Variants in GPM6A observed in about 807,000 individuals in gnomAD.
GPM6A encodes neuronal membrane glycoprotein M6-a.
Under a neutral mutation model 32.1 loss-of-function variants are expected in GPM6A, and 7 were observed. The observed-to-expected ratio is 0.22, with a 90% confidence interval of 0.12 to 0.41. GPM6A has a LOEUF of 0.41. Ranked by LOEUF, GPM6A falls within the 10% of genes least tolerant of loss-of-function variation. The probability of loss-of-function intolerance (pLI) is 1.00; values close to 1 mark genes in which losing one functional copy is unlikely to be tolerated. For missense variants in GPM6A, 235 were observed against 347.2 expected, an observed-to-expected ratio of 0.68 and a Z score of 2.57; for synonymous variants, 130 against 123.4, an observed-to-expected ratio of 1.05 and a Z score of -0.35.
At chr4:175,914,397 C>T (rs1336409174) in intron 1 of GPM6A, among the ~76,000 whole-genome samples, 2 of 151,972 alleles carry the variant, frequency 1.3e-5, no homozygotes, top group East Asian at 3.9e-4. Flanking sequence ...TCTCGGCTCA[C>T]TGCAACCTCT....
chr4:175,912,207 TA>T (rs1365127655), intron 1 of GPM6A, among the ~76,000 whole-genome samples: 1 of 152,242 alleles, frequency 6.6e-6, no homozygotes, highest in African/African-American at 2.4e-5. Flanking sequence ...GTAAAGTTTT[TA>T]ATTTGATAAG....
chr4:175,676,583 C>CA (rs1264763979), intron 2 of GPM6A, among the ~76,000 whole-genome samples: 1 of 152,034 alleles, frequency 6.6e-6, no homozygotes, highest in East Asian at 1.9e-4. Context: ...CCCATCTCTA[C>CA]AAAAATTTAA....
chr4:175,869,623 G>T (rs906652559), intron 1 of GPM6A, among the ~76,000 whole-genome samples: 2 of 152,068 alleles, frequency 1.3e-5, no homozygotes, highest in African/African-American at 4.8e-5. Context: ...TGGGCATGGT[G>T]GTGCGCACCT....
At chr4:175,903,894 T>C (rs1738044126) in intron 1 of GPM6A, among the ~76,000 whole-genome samples, 1 of 152,138 alleles carries the variant, frequency 6.6e-6, no homozygotes, top group African/African-American at 2.4e-5. Context: ...GATAACGTGA[T>C]ATATAGTATC....
At chr4:175,782,714 G>C (rs1468996517) in intron 1 of GPM6A, among the ~76,000 whole-genome samples, 2 of 152,006 alleles carry the variant, frequency 1.3e-5, no homozygotes, top group Admixed American at 6.5e-5. Flanking sequence ...TCCATAAGTA[G>C]TATAAATTAC....
intron 1 of GPM6A, among the ~76,000 whole-genome samples, chr4:175,975,273 G>GCTAA (rs544340429): frequency 1.2e-4 from 18 of 152,178 alleles, no homozygotes; most frequent in Non-Finnish European, 1.9e-4. Context: ...AGTAAAAGCA[G>GCTAA]CTAACATTTT....
chr4:175,813,481 T>C (rs114580747), upstream of GPM6A, among the ~76,000 whole-genome samples: 2,719 of 152,108 alleles, frequency 0.018, 31 homozygotes, highest in Non-Finnish European at 0.025. Context: ...GATCCTTGCC[T>C]CTGTCTTCAT....
At chr4:175,877,034 G>T (rs531983525) in intron 1 of GPM6A, among the ~76,000 whole-genome samples, 1 of 152,304 alleles carries the variant, frequency 6.6e-6, no homozygotes, top group South Asian at 2.1e-4. Flanking sequence ...AGCTTTGGAG[G>T]CTCTGGAAAC....
intron 1 of GPM6A, among the ~76,000 whole-genome samples, chr4:175,710,196 GATTA>G (rs897614444): frequency 6.6e-6 from 1 of 151,760 alleles, no homozygotes; most frequent in African/African-American, 2.4e-5. Context: ...TCTATTTTTA[GATTA>G]ATTTTTTTCT....
chr4:175,640,285 T>C (rs1186491695), intron 5 of GPM6A, 91 bp from the exon 6 acceptor site: 2 of 971,056 alleles, frequency 2.1e-6, no homozygotes, highest in East Asian at 2.4e-5. Context: ...CAAGACTTTG[T>C]ACATCTTAAA....
chr4:175,675,338 G>A (rs1414257999), intron 2 of GPM6A, among the ~76,000 whole-genome samples: 1 of 151,576 alleles, frequency 6.6e-6, no homozygotes, highest in Non-Finnish European at 1.5e-5. Context: ...ATGCAGATGT[G>A]GCAATAACAC....
At chr4:175,810,068 A>C (rs1734854335) in intron 1 of GPM6A, among the ~76,000 whole-genome samples, 1 of 152,324 alleles carries the variant, frequency 6.6e-6, no homozygotes, top group Non-Finnish European at 1.5e-5. Flanking sequence ...ATAAGAACTA[A>C]CACAAAATGC....
chr4:175,637,742 A>G (rs1458181213), intron 6 of GPM6A, among the ~76,000 whole-genome samples: 1 of 82,946 alleles, frequency 1.2e-5, no homozygotes, highest in African/African-American at 5.1e-5. Flanking sequence ...TATATTATAT[A>G]AAAATATAAT....
chr4:175,727,470 G>T (rs1731229027), intron 1 of GPM6A, among the ~76,000 whole-genome samples: 1 of 152,158 alleles, frequency 6.6e-6, no homozygotes, highest in Non-Finnish European at 1.5e-5. Context: ...TTAACTTTTA[G>T]TCACAAATCT....
At chr4:175,835,935 A>G (rs1735755015) in intron 1 of GPM6A, among the ~76,000 whole-genome samples, 1 of 146,890 alleles carries the variant, frequency 6.8e-6, no homozygotes, top group African/African-American at 2.4e-5. Context: ...TAGAACGTGG[A>G]AAGTTTTTTG....
At chr4:175,945,118 G>A (rs1223424671) in intron 1 of GPM6A, among the ~76,000 whole-genome samples, 2 of 152,066 alleles carry the variant, frequency 1.3e-5, no homozygotes, top group African/African-American at 2.4e-5. Context: ...ACTCTGTGAC[G>A]AAGCCAAGTA....
intron 1 of GPM6A, among the ~76,000 whole-genome samples, chr4:175,831,846 G>A (rs1735626127): frequency 6.8e-6 from 1 of 146,794 alleles, no homozygotes; most frequent in Non-Finnish European, 1.5e-5. Context: ...AGCCTCCCGA[G>A]TAGCTGGGAC....
At chr4:175,956,943 A>G (rs964828403) in intron 1 of GPM6A, among the ~76,000 whole-genome samples, 3 of 152,232 alleles carry the variant, frequency 2.0e-5, no homozygotes, top group African/African-American at 7.2e-5. Context: ...TTACTTCACA[A>G]TATTTCAATG....
chr4:175,767,194 T>C (rs114565321), intron 1 of GPM6A, among the ~76,000 whole-genome samples: 7,861 of 152,326 alleles, frequency 0.052, 285 homozygotes, highest in Non-Finnish European at 0.08. Context: ...CTCCTGAAGA[T>C]ACATACTATT....
Sources: gnomAD v4.1 joint callset for allele counts (sites outside exome capture counted in the v4.1 genomes callset) on GRCh38, gnomAD v4.1.1 for gene constraint, MANE v1.5 for transcripts, NCBI Gene and HGNC (gene_info 2026-07-23, HGNC 2026-07-21) for gene names.